Variants in UBA2 observed in about 807,000 individuals in gnomAD.
UBA2 encodes the protein SUMO-activating enzyme subunit 2.
UBA2 carries 11 observed loss-of-function variants against 77.2 expected under a neutral mutation model. The ratio of observed to expected loss-of-function variants is 0.14; its 90% CI spans 0.09 to 0.24. The LOEUF (loss-of-function observed/expected upper bound fraction) is 0.24, where lower values mean the gene tolerates loss of function less well. Among genes scored for constraint, UBA2 ranks in the 10% least tolerant of loss-of-function variants. The probability of loss-of-function intolerance (pLI) is 1.00; values close to 1 mark genes in which losing one functional copy is unlikely to be tolerated. For synonymous variants in UBA2, 278 were observed against 276.7 expected, an observed-to-expected ratio of 1.00 and a Z score of -0.05; for missense variants, 487 against 781.7, an observed-to-expected ratio of 0.62 and a Z score of 4.50.
intron 6 of UBA2, 78 bp from the exon 7 acceptor site, chr19:34,443,766 A>G (rs1481986914): frequency 6.9e-6 from 7 of 1,009,660 alleles, no homozygotes; most frequent in Non-Finnish European, 9.4e-6. Flanking sequence ...TCTCTGCTAA[A>G]TATTTGGAAT....
chr19:34,453,775 G>A (rs1174056490), intron 10 of UBA2, among the ~76,000 whole-genome samples: 1 of 152,008 alleles, frequency 6.6e-6, no homozygotes, highest in Non-Finnish European at 1.5e-5. Context: ...CAATCTGCTT[G>A]CCTCAACCTA....
At chr19:34,433,633 G>A (rs1411446410) in intron 4 of UBA2, among the ~76,000 whole-genome samples, 1 of 152,154 alleles carries the variant, frequency 6.6e-6, no homozygotes, top group African/African-American at 2.4e-5. Context: ...CTACCAAAAG[G>A]TATAAATAGA....
At chr19:34,445,708 G>A (rs1260011560) in intron 8 of UBA2, among the ~76,000 whole-genome samples, 1 of 152,048 alleles carries the variant, frequency 6.6e-6, no homozygotes, top group African/African-American at 2.4e-5. Context: ...AAAGTGATGG[G>A]ATTATAGGCG....
rs781699500 is a variant in UBA2 at position 34,469,236 on chromosome 19, A to C, written c.*15A>C. 16 of 1,547,440 alleles carry C rather than the reference A, an allele frequency of 1.0e-5. No homozygotes were observed. In the African/African-American group the frequency reaches 2.1e-4, roughly 20 times the overall value. ...CATTAGATTGAACAGAAATGCCTCT[A>C]AACAGAACCCTCTTACTATTTAGTT... On this transcript the variant is annotated 3_prime_UTR_variant, in exon 17 of 17. Transcript: ENST00000246548.
At chr19:34,453,109 G>A (rs1410722674) in intron 10 of UBA2, among the ~76,000 whole-genome samples, 1 of 152,142 alleles carries the variant, frequency 6.6e-6, no homozygotes, top group Non-Finnish European at 1.5e-5. Flanking sequence ...ACTGTGTTGA[G>A]TATTCAGTAT....
chr19:34,457,179 A>AATATATATATATATATATATATAT (rs766043321), intron 12 of UBA2, among the ~76,000 whole-genome samples: 5 of 53,220 alleles, frequency 9.4e-5, no homozygotes, highest in African/African-American at 2.3e-4. Flanking sequence ...AAAAAAAAAA[A>AATATATATATATATATATATATAT]ATATATATAT....
intron 12 of UBA2, among the ~76,000 whole-genome samples, chr19:34,458,281 CG>C (rs2075590720): frequency 6.6e-6 from 1 of 152,064 alleles, no homozygotes; most frequent in Non-Finnish European, 1.5e-5. Context: ...TGAGGCCGGG[CG>C]CGGTGGCTCA....
chr19:34,431,350 T>G (rs1407552626), intron 2 of UBA2, among the ~76,000 whole-genome samples: 1 of 142,506 alleles, frequency 7.0e-6, no homozygotes, highest in African/African-American at 2.6e-5. Context: ...ACTCCTGGCC[T>G]CAAGGGATCC....
At chr19:34,441,523 T>C (rs2075369416) in intron 6 of UBA2, among the ~76,000 whole-genome samples, 2 of 152,158 alleles carry the variant, frequency 1.3e-5, no homozygotes, top group Admixed American at 1.3e-4. Context: ...ATGAGAATGT[T>C]CTCAACCCGA....
chr19:34,455,222 T>C lies in UBA2; in HGVS notation c.1245+666T>C, dbSNP rs149027961. On this transcript the variant is annotated intron_variant, in intron 12 of 16. Transcript: ENST00000246548. Reference sequence around the variant, plus strand: ...TGTATTCAGACCACAAACCTGCACGTGCCCTATGTTATTGTCATGAATTAT... The same window carrying C: ...TGTATTCAGACCACAAACCTGCACGCGCCCTATGTTATTGTCATGAATTAT... 6.7e-3 allele frequency among the ~76,000 whole-genome samples: 1,022 copies of C among 152,312 alleles called. 5 individuals carry two copies. The highest frequency in any genetic ancestry group is 0.01 in the Middle Eastern group (3 of 294).
chr19:34,439,417 TGTG>T (rs2145505509), intron 6 of UBA2, among the ~76,000 whole-genome samples: 1 of 152,236 alleles, frequency 6.6e-6, no homozygotes, highest in East Asian at 1.9e-4. Context: ...ATGTATTGAA[TGTG>T]GTGGTTGGCA....
chr19:34,469,074 A>T lies in UBA2; in HGVS notation c.1776A>T (p.Ser592=). ...QEQDDVLIVD[S]DEEDSSNNAD... ...AAGATGACGTTCTCATAGTTGATTC[A>T]GATGAAGAAGATTCTTCAAATAATG... The change falls in exon 17 of 17, where the codon TCA becomes TCT. Residue 592 remains serine (S), a synonymous_variant. Transcript: ENST00000246548. 3 of 1,609,174 alleles carry T rather than the reference A, an allele frequency of 1.9e-6. No homozygotes were observed. The highest frequency in any genetic ancestry group is 2.5e-6 in the Non-Finnish European group (3 of 1,178,740).
intron 13 of UBA2, among the ~76,000 whole-genome samples, chr19:34,459,673 C>T (rs1413558812): frequency 6.6e-6 from 1 of 152,156 alleles, no homozygotes; most frequent in African/African-American, 2.4e-5. Flanking sequence ...CCAAAAGTGT[C>T]ACTTTCCACT....
intron 6 of UBA2, among the ~76,000 whole-genome samples, chr19:34,439,372 C>T (rs1248777868): frequency 6.6e-6 from 1 of 152,116 alleles, no homozygotes; most frequent in Non-Finnish European, 1.5e-5. Context: ...GTTAAAAATA[C>T]TCTGTACTGA....
intron 4 of UBA2, among the ~76,000 whole-genome samples, chr19:34,433,950 C>G (rs1276877740): frequency 6.6e-6 from 1 of 151,908 alleles, no homozygotes; most frequent in East Asian, 1.9e-4. Flanking sequence ...AGAGTGCGAC[C>G]CTGTCTCAAA....
chr19:34,458,919 G>A lies in UBA2; in HGVS notation c.1396G>A (p.Asp466Asn). Residue 466 changes from aspartate (D) to asparagine (N), a missense_variant, in exon 13 of 17, where the codon GAC becomes AAC. Around this residue, in one of 9 missense-constraint regions of UBA2, gnomAD observed 300 missense variants for 454.3 expected, o/e 0.66. Transcript: ENST00000246548. ...TAAAGTGACTGTTCTCACCTTACAAGACAAGGTCAGTGCAAGGCCTGGGTC... is the reference window on the plus strand; with the variant it reads ...TAAAGTGACTGTTCTCACCTTACAAAACAAGGTCAGTGCAAGGCCTGGGTC... Reference protein sequence around the residue: ...VHKVTVLTLQDKIVKEKFAMV... With the variant: ...VHKVTVLTLQNKIVKEKFAMV... 6.2e-7 allele frequency: 1 copy of A among 1,613,316 alleles called. No homozygotes were observed. Among genetic ancestry groups the A allele is most frequent in the Non-Finnish European group, 8.5e-7 (1 of 1,179,744 alleles).
At chr19:34,441,467 A>T (rs2075368676) in intron 6 of UBA2, among the ~76,000 whole-genome samples, 1 of 120,936 alleles carries the variant, frequency 8.3e-6, no homozygotes. Context: ...AAAAATAAAA[A>T]ATAAATAAAT....
chr19:34,444,266 C>A (rs1213676675), intron 7 of UBA2, among the ~76,000 whole-genome samples: 1 of 151,992 alleles, frequency 6.6e-6, no homozygotes, highest in Non-Finnish European at 1.5e-5. Flanking sequence ...CCATGTTAGC[C>A]AGGCTGGTCT....
intron 10 of UBA2, among the ~76,000 whole-genome samples, chr19:34,452,815 T>A (rs1367204716): frequency 2.6e-5 from 4 of 152,220 alleles, no homozygotes; most frequent in Non-Finnish European, 5.9e-5. Context: ...AAGAAAAATT[T>A]GTGTGTACAT....
Sources: allele counts gnomAD v4.1 joint callset (sites outside exome capture counted in the v4.1 genomes callset), GRCh38; gene constraint gnomAD v4.1.1; regional missense constraint gnomAD v4.1.1; transcripts MANE v1.5; gene names NCBI Gene and HGNC (gene_info 2026-07-23, HGNC 2026-07-21).